Variants in PTPRN2 observed in about 807,000 individuals in gnomAD.
The protein encoded by PTPRN2 is receptor-type tyrosine-protein phosphatase N2.
A neutral mutation model predicts 118.8 loss-of-function variants in PTPRN2; 74 were observed. The observed-to-expected ratio is 0.62, with a 90% CI of 0.52 to 0.76. The LOEUF (loss-of-function observed/expected upper bound fraction) is 0.76, where lower values mean the gene tolerates loss of function less well. Ranked by LOEUF, PTPRN2 falls within the 30% of genes least tolerant of loss-of-function variation. The pLI, the probability that PTPRN2 is intolerant of heterozygous loss-of-function variation, is 0.00. For missense variants in PTPRN2, 1,481 were observed against 1,394.4 expected, an observed-to-expected ratio of 1.06 and a Z score of -0.99; for synonymous variants, 641 against 608.0, an observed-to-expected ratio of 1.05 and a Z score of -0.80.
intron 12 of PTPRN2, chr7:157,864,757 C>G (rs1460316239): frequency 6.6e-6 from 1 of 152,234 alleles, no homozygotes; most frequent in African/African-American, 2.4e-5. Context: ...TCATAGACGT[C>G]AGTATCTCAG....
chr7:158,161,388 C>A (rs1206988738), intron 6 of PTPRN2, among the ~76,000 whole-genome samples: 1 of 152,146 alleles, frequency 6.6e-6, no homozygotes, highest in African/African-American at 2.4e-5. Context: ...ATGACACAGA[C>A]AAACAGATCA....
chr7:157,960,962 A>T (rs969966367), intron 11 of PTPRN2, among the ~76,000 whole-genome samples: 1 of 152,166 alleles, frequency 6.6e-6, no homozygotes, highest in Non-Finnish European at 1.5e-5. Context: ...AGCCAAGAAC[A>T]TGCCACTGCA....
rs1006998447 is a variant in PTPRN2, at chr7:158,367,517, CTG to C, written c.164-50587_164-50586del. Among the ~76,000 whole-genome samples the C allele has an allele frequency of 3.3e-4, 50 of 152,308 alleles. 1 individual carries two copies. Among genetic ancestry groups the C allele is most frequent in the Admixed American group, 3.1e-3 (48 of 15,300 alleles). On this transcript the variant is annotated intron_variant, in intron 2 of 22. Transcript: ENST00000389418. Reference sequence around the variant, plus strand: ...GGGAGGCTGGGCGGTGGCACTCACACTGTGCTGGAGTCAGGCTGGCTCCTGGG... The same window carrying C: ...GGGAGGCTGGGCGGTGGCACTCACACTGCTGGAGTCAGGCTGGCTCCTGGG...
intron 14 of PTPRN2, among the ~76,000 whole-genome samples, chr7:157,630,623 T>G (rs781274674): frequency 6.6e-6 from 1 of 152,190 alleles, no homozygotes; most frequent in Non-Finnish European, 1.5e-5. Flanking sequence ...AGGGCAGATA[T>G]GCACACATTA....
chr7:158,246,269 G>A (rs1796241364), intron 3 of PTPRN2, among the ~76,000 whole-genome samples: 1 of 151,826 alleles, frequency 6.6e-6, no homozygotes, highest in South Asian at 2.1e-4. Flanking sequence ...TGAAGGAAGA[G>A]GGGGAAAAAT....
chr7:158,202,582 G>A (rs936743923), intron 4 of PTPRN2, among the ~76,000 whole-genome samples: 3 of 152,170 alleles, frequency 2.0e-5, no homozygotes, highest in African/African-American at 7.2e-5. Context: ...CAGGCATGAA[G>A]CCCATAGCAG....
chr7:157,645,890 C>T (rs572488109), intron 14 of PTPRN2, among the ~76,000 whole-genome samples: 4 of 152,334 alleles, frequency 2.6e-5, no homozygotes, highest in African/African-American at 9.6e-5. Context: ...GGGACACAGT[C>T]CCACCCCTTG....
rs185736110 is a variant in PTPRN2 at position 157,953,992 on chromosome 7, G to C, written c.1724-55255C>G. Among the ~76,000 whole-genome samples the C allele has an allele frequency of 1.2e-4, 18 of 152,348 alleles. No individual in the cohort carries two copies. The highest frequency in any genetic ancestry group is 7.2e-4 in the Admixed American group (11 of 15,306). ...TGGAAAGGCCGTTCCAAGAGCTTCA[G>C]GTGTTCAGGTTCGTATCTGAGGCTG... On this transcript the variant is annotated intron_variant, in intron 11 of 22. Transcript: ENST00000389418. The surrounding 1 kb of genome is among the most constrained non-coding windows in gnomAD (Gnocchi z 4.6).
chr7:158,386,230 ATTTCT>A (rs1811350481), intron 2 of PTPRN2, among the ~76,000 whole-genome samples: 1 of 41,172 alleles, frequency 2.4e-5, no homozygotes, highest in Non-Finnish European at 4.5e-5. Context: ...CTGAGTCCCT[ATTTCT>A]GTGCCCCTCC....
Position 158,467,983 on chromosome 7 carries a change from C to T in PTPRN2, c.163+21752G>A, listed in dbSNP as rs78071862. 2.6e-3 allele frequency among the ~76,000 whole-genome samples: 395 copies of T among 152,294 alleles called. 11 individuals are homozygous for T. In the South Asian group the frequency reaches 0.046, roughly 18 times the overall value. Reference sequence around the variant, plus strand: ...ACTTTACAGTAGCTAGTCTAGGATGCAACTGGAATTGTGGGGCTCAAGTGA... The same window carrying T: ...ACTTTACAGTAGCTAGTCTAGGATGTAACTGGAATTGTGGGGCTCAAGTGA... On this transcript the variant is annotated intron_variant, in intron 2 of 22. Coordinates refer to ENST00000389418, the MANE Select transcript of PTPRN2 (RefSeq NM_002847.5).
intron 2 of PTPRN2, among the ~76,000 whole-genome samples, chr7:158,326,048 G>T (rs756303237): frequency 2.0e-5 from 3 of 152,196 alleles, no homozygotes; most frequent in Non-Finnish European, 4.4e-5. Flanking sequence ...AGGGCTCAGG[G>T]CGCACTTTCC....
chr7:158,299,779 G>A (rs1202449887), intron 3 of PTPRN2, among the ~76,000 whole-genome samples: 1 of 152,172 alleles, frequency 6.6e-6, no homozygotes, highest in Non-Finnish European at 1.5e-5. Flanking sequence ...TCAGGAAGTG[G>A]CAGAGCAGTT....
intron 12 of PTPRN2, among the ~76,000 whole-genome samples, chr7:157,758,835 G>A (rs1422882640): frequency 6.6e-6 from 1 of 152,180 alleles, no homozygotes. Context: ...ACTCCTAGTG[G>A]CTCTGCCTCC....
chr7:157,919,198 T>C lies in PTPRN2; in HGVS notation c.1724-20461A>G, dbSNP rs1798569609. 2.0e-5 allele frequency among the ~76,000 whole-genome samples: 3 copies of C among 152,202 alleles called. No individual in the cohort carries two copies. In the South Asian group the frequency reaches 6.2e-4, roughly 32 times the overall value. On this transcript the variant is annotated intron_variant, in intron 11 of 22. Transcript: ENST00000389418. ...CAGATATTAAGCCTCAAAAAAGGAC[T>C]TCATGTTTTTTAAATCATAAAAATC...
intron 10 of PTPRN2, among the ~76,000 whole-genome samples, chr7:158,092,263 T>C (rs1213781728): frequency 1.4e-5 from 2 of 145,924 alleles, no homozygotes; most frequent in Non-Finnish European, 3.0e-5. Context: ...CATGTGCATA[T>C]ATATACATAT....
In PTPRN2 at chr7:158,001,980, G is replaced by C. The variant is rs554367905; in HGVS notation, c.1723+79318C>G. On this transcript the variant is annotated intron_variant, in intron 11 of 22. Transcript: ENST00000389418. Reference sequence around the variant, plus strand: ...AGCTGTCTCCAGGTCCTGGGATCACGTTGTTTCAGTGGAGACGATGGCCGC... The same window carrying C: ...AGCTGTCTCCAGGTCCTGGGATCACCTTGTTTCAGTGGAGACGATGGCCGC... Among the ~76,000 whole-genome samples, 5 of 152,216 alleles carry C rather than the reference G, an allele frequency of 3.3e-5. No individual in the cohort carries two copies. The East Asian group carries it at 9.6e-4, about 29-fold the overall frequency.
At chr7:158,253,305 G>A (rs1461906395) in intron 3 of PTPRN2, among the ~76,000 whole-genome samples, 1 of 150,876 alleles carries the variant, frequency 6.6e-6, no homozygotes, top group South Asian at 2.1e-4. Flanking sequence ...CTGAGGACTC[G>A]AGGACTGACC....
chr7:157,987,487 GA>G lies in PTPRN2; in HGVS notation c.1724-88751del, dbSNP rs1803891883. Among the ~76,000 whole-genome samples the G allele has an allele frequency of 6.6e-6, 1 of 152,126 alleles. No homozygotes were observed. On this transcript the variant is annotated intron_variant, in intron 11 of 22. Coordinates refer to ENST00000389418, the MANE Select transcript of PTPRN2 (RefSeq NM_002847.5). The surrounding 1 kb of genome is among the most constrained non-coding windows in gnomAD (Gnocchi z 4.3). Reference sequence around the variant, plus strand: ...TAGTGTCCGGTCACTAATAGGGTGTGATGACCTGTCAGTCATTATCTCTTGC... The same window carrying G: ...TAGTGTCCGGTCACTAATAGGGTGTGTGACCTGTCAGTCATTATCTCTTGC...
intron 14 of PTPRN2, among the ~76,000 whole-genome samples, chr7:157,651,564 G>A (rs1400626363): frequency 6.6e-6 from 1 of 152,194 alleles, no homozygotes; most frequent in African/African-American, 2.4e-5. Flanking sequence ...GGCGTAATTA[G>A]TCACATCGGG....
Sources: gnomAD v4.1 joint callset for allele counts (sites outside exome capture counted in the v4.1 genomes callset) on GRCh38, gnomAD v4.1.1 for gene constraint, Gnocchi (gnomAD v3.1) non-coding constraint, MANE v1.5 for transcripts, NCBI Gene and HGNC (gene_info 2026-07-23, HGNC 2026-07-21) for gene names.